Variants in SGIP1 observed in about 807,000 individuals in gnomAD.
SGIP1 encodes SH3GL interacting endocytic adaptor 1.
SGIP1 carries 38 observed loss-of-function variants against 107.5 expected under a neutral mutation model. The observed-to-expected ratio is 0.35, with a 90% CI of 0.27 to 0.46. SGIP1 has a LOEUF of 0.46. Ranked by LOEUF, SGIP1 falls within the 20% of genes least tolerant of loss-of-function variation. The pLI, the probability that SGIP1 is intolerant of heterozygous loss-of-function variation, is 1.00. For missense variants in SGIP1, 929 were observed against 1,019.5 expected, an observed-to-expected ratio of 0.91 and a Z score of 1.21; for synonymous variants, 365 against 366.1, an observed-to-expected ratio of 1.00 and a Z score of 0.03.
intron 1 of SGIP1, among the ~76,000 whole-genome samples, chr1:66,604,405 A>G (rs1231456587): frequency 6.6e-6 from 1 of 152,232 alleles, no homozygotes; most frequent in Non-Finnish European, 1.5e-5. Flanking sequence ...GAGAAACAAC[A>G]TAGCATACTA....
intron 18 of SGIP1, among the ~76,000 whole-genome samples, chr1:66,707,748 C>A (rs1406710155): frequency 6.6e-6 from 1 of 152,160 alleles, no homozygotes; most frequent in Non-Finnish European, 1.5e-5. Context: ...CAGGGGCATT[C>A]ACATCTTTGG....
intron 1 of SGIP1, among the ~76,000 whole-genome samples, chr1:66,550,833 A>C (rs1321970783): frequency 6.6e-6 from 1 of 152,160 alleles, no homozygotes; most frequent in African/African-American, 2.4e-5. Flanking sequence ...TGACGAGATC[A>C]GGCACATTCA....
chr1:66,606,824 T>G, intron 1 of SGIP1, among the ~76,000 whole-genome samples: 1 of 152,212 alleles, frequency 6.6e-6, no homozygotes, highest in East Asian at 1.9e-4. Flanking sequence ...GTGGATACAT[T>G]TAGGCAGCCT....
intron 8 of SGIP1, among the ~76,000 whole-genome samples, chr1:66,660,746 T>G (rs1429134600): frequency 6.6e-6 from 1 of 152,208 alleles, no homozygotes; most frequent in African/African-American, 2.4e-5. Flanking sequence ...GGCCCTGGGG[T>G]AATTTTGTAA....
At chr1:66,673,108 C>T (rs2084241664) in intron 11 of SGIP1, among the ~76,000 whole-genome samples, 173 bp from the exon 12 acceptor site, 1 of 152,214 alleles carries the variant, frequency 6.6e-6, no homozygotes, top group African/African-American at 2.4e-5. Flanking sequence ...ATACATCTGA[C>T]ATCCTTATAA....
chr1:66,662,121 T>C (rs2149730533), intron 8 of SGIP1, among the ~76,000 whole-genome samples: 1 of 152,324 alleles, frequency 6.6e-6, no homozygotes, highest in Admixed American at 6.5e-5. Flanking sequence ...GCTTGCCAAA[T>C]AGTTTGTCTT....
At position 66,745,393 on chromosome 1, in the gene SGIP1, C is replaced by G. The variant is rs2094538815; in HGVS notation, c.*2298C>G. ...CCTCAATAGAAAATGTATCCCTTCA[C>G]CTTTCAGAAAAGAGATCAAATAATA... On this transcript the variant is annotated 3_prime_UTR_variant, in exon 25 of 25. Coordinates refer to ENST00000371037, the MANE Select transcript of SGIP1 (RefSeq NM_032291.4). 1 of 151,962 alleles carries G rather than the reference C, an allele frequency of 6.6e-6. No individual in the cohort carries two copies. Among genetic ancestry groups the G allele is most frequent in the Admixed American group, 6.6e-5 (1 of 15,266 alleles). The allele number at this position is 151,962 out of a possible 1,614,324, so 9.4% of individuals were successfully genotyped here.
At chr1:66,534,787 A>T (rs2053188886) in intron 1 of SGIP1, among the ~76,000 whole-genome samples, 1 of 152,246 alleles carries the variant, frequency 6.6e-6, no homozygotes, top group Admixed American at 6.5e-5. Context: ...AGAGTTATCC[A>T]TACAGACATT....
chr1:66,638,727 C>T (rs760262312), intron 4 of SGIP1, among the ~76,000 whole-genome samples: 20 of 152,252 alleles, frequency 1.3e-4, no homozygotes, highest in South Asian at 4.2e-4. Flanking sequence ...CCTATGTGCA[C>T]ACATAAAAAT....
At chr1:66,627,371 A>G (rs1191487851) in intron 2 of SGIP1, among the ~76,000 whole-genome samples, 1 of 152,168 alleles carries the variant, frequency 6.6e-6, no homozygotes, top group East Asian at 1.9e-4. Context: ...ATTTACTGAC[A>G]AGACAAATGG....
intron 1 of SGIP1, among the ~76,000 whole-genome samples, chr1:66,607,842 T>A (rs1367826379): frequency 2.6e-5 from 4 of 152,242 alleles, no homozygotes; most frequent in Non-Finnish European, 4.4e-5. Flanking sequence ...TTCATTTAAA[T>A]TTCTTTCTCT....
intron 1 of SGIP1, among the ~76,000 whole-genome samples, chr1:66,556,781 T>A (rs944502198): frequency 6.6e-6 from 1 of 152,086 alleles, no homozygotes; most frequent in Non-Finnish European, 1.5e-5. Flanking sequence ...AAATGATCTG[T>A]AATACAAAAT....
intron 4 of SGIP1, among the ~76,000 whole-genome samples, chr1:66,636,732 G>A (rs1228492694): frequency 3.3e-5 from 5 of 152,130 alleles, no homozygotes; most frequent in Non-Finnish European, 7.4e-5. Flanking sequence ...TAATATTTAG[G>A]CAGTACGTCA....
intron 2 of SGIP1, 79 bp from the exon 3 acceptor site, chr1:66,632,991 G>C: frequency 2.2e-6 from 2 of 905,430 alleles, no homozygotes; most frequent in South Asian, 2.8e-5. Flanking sequence ...GGTGGTTATT[G>C]GTTCTTACTG....
intron 5 of SGIP1, among the ~76,000 whole-genome samples, chr1:66,640,775 T>C (rs1377894978): frequency 2.4e-5 from 2 of 84,916 alleles, no homozygotes; most frequent in East Asian, 1.0e-3. Context: ...AGTACACTTG[T>C]ATTAAAAAAA....
At chr1:66,644,647 T>A (rs991310818) in intron 7 of SGIP1, among the ~76,000 whole-genome samples, 3 of 152,180 alleles carry the variant, frequency 2.0e-5, no homozygotes, top group African/African-American at 7.2e-5. Context: ...ACATCTCAAC[T>A]AACCTTTCTA....
chr1:66,575,805 GTGTA>G (rs2060981550), intron 1 of SGIP1, among the ~76,000 whole-genome samples: 2 of 152,178 alleles, frequency 1.3e-5, no homozygotes, highest in Non-Finnish European at 2.9e-5. Context: ...TGTGGTGTGT[GTGTA>G]TGTTTAAAGC....
At chr1:66,555,215 C>T (rs899502247) in intron 1 of SGIP1, among the ~76,000 whole-genome samples, 2 of 151,958 alleles carry the variant, frequency 1.3e-5, no homozygotes, top group Admixed American at 6.6e-5. Context: ...TCATGTGTGC[C>T]CTCCTCATAT....
At chr1:66,563,856 G>T (rs577497376) in intron 1 of SGIP1, among the ~76,000 whole-genome samples, 1 of 152,104 alleles carries the variant, frequency 6.6e-6, no homozygotes, top group South Asian at 2.1e-4. Flanking sequence ...AGAGAAAGAT[G>T]AATGTCTCTT....
Sources: allele counts gnomAD v4.1 joint callset (sites outside exome capture counted in the v4.1 genomes callset), GRCh38; gene constraint gnomAD v4.1.1; transcripts MANE v1.5; gene names NCBI Gene and HGNC (gene_info 2026-07-23, HGNC 2026-07-21).